The following ZFHX3 variants were observed in gnomAD, a reference collection of about 807,000 sequenced individuals.
The protein encoded by ZFHX3 is zinc finger homeobox 3.
ZFHX3 carries 42 observed loss-of-function variants against 279.1 expected under a neutral mutation model. The ratio of observed to expected loss-of-function variants is 0.15; its 90% CI spans 0.12 to 0.19. The LOEUF is 0.19. Among genes scored for constraint, ZFHX3 ranks in the 10% least tolerant of loss-of-function variants. ZFHX3 has a pLI of 1.00. For synonymous variants in ZFHX3, 2,293 were observed against 1,957.8 expected, an observed-to-expected ratio of 1.17 and a Z score of -4.52; for missense variants, 4,981 against 4,754.0, an observed-to-expected ratio of 1.05 and a Z score of -1.40.
chr16:73,338,083 G>A (rs773360984), intron 3 of ZFHX3, among the ~76,000 whole-genome samples: 2 of 152,184 alleles, frequency 1.3e-5, no homozygotes, highest in East Asian at 1.9e-4. Context: ...AAAACCCTAC[G>A]TCTGATAAAC....
rs2143295710 is a variant in ZFHX3, at chr16:72,788,122, TGCTGTAGTTGCC to T, written c.10142_10153del (p.Arg3381_Gln3384del). The T allele has an allele frequency of 6.3e-7, 1 of 1,596,834 alleles. No homozygotes were observed. The highest frequency in any genetic ancestry group is 1.1e-5 in the South Asian group (1 of 90,002). On this transcript the variant is annotated inframe_deletion, in exon 10 of 10. Coordinates refer to ENST00000268489, the MANE Select transcript of ZFHX3 (RefSeq NM_006885.4). The stretch of plus-strand genomic sequence containing the variant: ...CTGCTGCACTTTTTGCTGCTGCTGC[TGCTGTAGTTGCC>T]GCTGCTGCTGCTGCTGAATTGCCTC...
chr16:73,511,907 C>T (rs1018153808), intron 2 of ZFHX3, among the ~76,000 whole-genome samples: 9 of 152,072 alleles, frequency 5.9e-5, no homozygotes, highest in African/African-American at 2.2e-4. Context: ...CAAAAGCAAC[C>T]TCCCCTCACC....
At chr16:73,587,997 G>A (rs1245979593) in intron 2 of ZFHX3, among the ~76,000 whole-genome samples, 6 of 152,124 alleles carry the variant, frequency 3.9e-5, no homozygotes, top group Non-Finnish European at 7.3e-5. Context: ...GGGGCACACA[G>A]TGGGCCACAA....
At position 72,903,966 on chromosome 16, in the gene ZFHX3, G is replaced by A. The variant is rs149260813; in HGVS notation, c.3217-14004C>T. Among the ~76,000 whole-genome samples, 61 of 152,292 alleles carry A rather than the reference G, an allele frequency of 4.0e-4. 2 individuals are homozygous for A. In the South Asian group the frequency reaches 4.3e-3, roughly 11 times the overall value. Reference sequence around the variant, plus strand: ...ACTGGAAGCAGCTCCTATGCTGTGCGTGTTGCAAACCACCTTTGCTCCTCC... The same window carrying A: ...ACTGGAAGCAGCTCCTATGCTGTGCATGTTGCAAACCACCTTTGCTCCTCC... On this transcript the variant is annotated intron_variant, in intron 3 of 9. Transcript: ENST00000268489.
At chr16:73,102,189 C>A (rs1327112510) in intron 7 of ZFHX3, among the ~76,000 whole-genome samples, 1 of 152,136 alleles carries the variant, frequency 6.6e-6, no homozygotes, top group Non-Finnish European at 1.5e-5. Context: ...GCTGGGATTA[C>A]AGGAGTGAGC....
In ZFHX3 at chr16:73,688,307, A is replaced by G. The variant is rs368019197; in HGVS notation, c.-1607-8067T>C. Among the ~76,000 whole-genome samples the G allele has an allele frequency of 3.5e-4, 53 of 150,952 alleles. 1 individual carries two copies. The East Asian group carries it at 5.7e-3, about 16-fold the overall frequency. On this transcript the variant is annotated intron_variant, in intron 1 of 17. Coordinates refer to the ZFHX3 transcript ENST00000641206. ...GGGAGGCAGAGGTTGCAGTGAGCTG[A>G]GATCACACTGCTGCACTCCAGCCTG... is the stretch of plus-strand genomic sequence containing the variant.
At chr16:73,809,077 G>A (rs1960360104) in intron 1 of ZFHX3, among the ~76,000 whole-genome samples, 1 of 152,162 alleles carries the variant, frequency 6.6e-6, no homozygotes, top group South Asian at 2.1e-4. Context: ...TAAAAGCAGG[G>A]GTTGATGGGA....
intron 1 of ZFHX3, among the ~76,000 whole-genome samples, chr16:72,988,642 C>T (rs1348256375): frequency 6.6e-6 from 1 of 152,186 alleles, no homozygotes; most frequent in African/African-American, 2.4e-5. Flanking sequence ...CAGGGTTCAC[C>T]CAGTCTTTCA....
At chr16:72,836,949 T>G (rs554300083) in intron 4 of ZFHX3, among the ~76,000 whole-genome samples, 1 of 152,294 alleles carries the variant, frequency 6.6e-6, no homozygotes, top group East Asian at 1.9e-4. Flanking sequence ...TCCCACCTTC[T>G]CAGGATGTCA....
At chr16:73,640,541 G>C (rs2052564525) in intron 2 of ZFHX3, among the ~76,000 whole-genome samples, 2 of 152,050 alleles carry the variant, frequency 1.3e-5, no homozygotes, top group Admixed American at 6.6e-5. Flanking sequence ...AACATGAACA[G>C]AACATTATAC....
intron 5 of ZFHX3, among the ~76,000 whole-genome samples, chr16:73,173,566 T>C (rs1967590321): frequency 6.6e-6 from 1 of 152,088 alleles, no homozygotes; most frequent in Admixed American, 6.5e-5. Flanking sequence ...CCCGGACAGT[T>C]TACTAACAAT....
At chr16:73,512,178 C>T (rs910853212) in intron 2 of ZFHX3, among the ~76,000 whole-genome samples, 3 of 150,826 alleles carry the variant, frequency 2.0e-5, no homozygotes, top group Admixed American at 6.6e-5. Flanking sequence ...GCCTGTAATC[C>T]CAGCACTTTG....
chr16:73,354,462 C>T (rs1383903562), intron 3 of ZFHX3, among the ~76,000 whole-genome samples: 1 of 152,198 alleles, frequency 6.6e-6, no homozygotes. Context: ...GATGACTGCC[C>T]AGCTCTGTGC....
intron 6 of ZFHX3, among the ~76,000 whole-genome samples, chr16:73,142,460 G>C (rs1016524773): frequency 6.6e-6 from 1 of 152,176 alleles, no homozygotes; most frequent in East Asian, 1.9e-4. Context: ...GAGTACAGAG[G>C]GGGGATTATA....
chr16:73,004,159 C>CTTTTTTTTTTTTTTTTTTTTTTTTTT lies in ZFHX3; in HGVS notation c.-50+43592_-50+43593insAAAAAAAAAAAAAAAAAAAAAAAAAA, dbSNP rs3081625. On this transcript the variant is annotated intron_variant, in intron 1 of 9. Coordinates refer to ENST00000268489, the MANE Select transcript of ZFHX3 (RefSeq NM_006885.4). ...CAATAATAACTACATAAAAACACGA[C>CTTTTTTTTTTTTTTTTTTTTTTTTTT]TTTTTTTTTTTTTTTTTTTTTTTTT... 2.2e-4 allele frequency among the ~76,000 whole-genome samples: 11 copies of CTTTTTTTTTTTTTTTTTTTTTTTTTT among 49,372 alleles called. 4 individuals are homozygous for CTTTTTTTTTTTTTTTTTTTTTTTTTT. Among genetic ancestry groups the CTTTTTTTTTTTTTTTTTTTTTTTTTT allele is most frequent in the East Asian group, 2.5e-3 (2 of 816 alleles). 32.4% of individuals were successfully genotyped at this position (49,372 alleles called of 152,430 possible).
chr16:73,115,508 C>T (rs964080546), intron 7 of ZFHX3, among the ~76,000 whole-genome samples: 3 of 151,990 alleles, frequency 2.0e-5, no homozygotes, highest in Non-Finnish European at 4.4e-5. Flanking sequence ...CGGGATCATG[C>T]CACTGCACTC....
chr16:73,387,113 C>T (rs2016916524), intron 3 of ZFHX3: 1 of 152,190 alleles, frequency 6.6e-6, no homozygotes, highest in Non-Finnish European at 1.5e-5. Context: ...TTCTCTCTCA[C>T]AGCATATTGT....
intron 7 of ZFHX3, chr16:73,123,296 A>G (rs1183315372): frequency 2.0e-5 from 3 of 147,804 alleles, no homozygotes; most frequent in Admixed American, 6.9e-5. Context: ...GGGTTATACT[A>G]CTCACGGGAC....
chr16:73,306,963 G>A (rs2015196877), intron 4 of ZFHX3, among the ~76,000 whole-genome samples: 1 of 152,202 alleles, frequency 6.6e-6, no homozygotes, highest in African/African-American at 2.4e-5. Flanking sequence ...AGTTACCAAT[G>A]GTGGGCTGGT....
Sources: gnomAD v4.1 joint callset for allele counts (sites outside exome capture counted in the v4.1 genomes callset) on GRCh38, gnomAD v4.1.1 for gene constraint, MANE v1.5 for transcripts, NCBI Gene and HGNC (gene_info 2026-07-23, HGNC 2026-07-21) for gene names.